Variants in DEPDC4 observed in about 807,000 individuals in gnomAD.
DEPDC4 encodes the protein DEP domain containing 4.
DEPDC4 carries 52 observed loss-of-function variants against 52.0 expected under a neutral mutation model. The observed-to-expected ratio is 1.00, with a 90% CI of 0.80 to 1.26. DEPDC4 has a LOEUF of 1.26. Among genes scored for constraint, DEPDC4 ranks in the 50% most tolerant of loss-of-function variants. DEPDC4 has a pLI of 0.00. For synonymous variants in DEPDC4, 201 were observed against 196.8 expected, an observed-to-expected ratio of 1.02 and a Z score of -0.18; for missense variants, 530 against 546.9, an observed-to-expected ratio of 0.97 and a Z score of 0.31.
At chr12:100,231,770 C>A (rs2096135208) in intron 9 of DEPDC4, among the ~76,000 whole-genome samples, 1 of 151,974 alleles carries the variant, frequency 6.6e-6, no homozygotes, top group African/African-American at 2.4e-5. Context: ...AATGGTGAAA[C>A]CCTATTGCTA....
At chr12:100,273,672 C>T in the DEPDC4 span, among the ~76,000 whole-genome samples, 1 of 152,152 alleles carries the variant, frequency 6.6e-6, no homozygotes, top group African/African-American at 2.4e-5. Flanking sequence ...CAGACCACAC[C>T]ATAGTCTTCC....
chr12:100,262,472 T>G, intron 2 of DEPDC4, 63 bp from the exon 3 acceptor site: 2 of 1,282,320 alleles, frequency 1.6e-6, no homozygotes, highest in African/African-American at 1.6e-5. Flanking sequence ...AAATATATAT[T>G]TAAATTAATG....
intron 7 of DEPDC4, among the ~76,000 whole-genome samples, chr12:100,251,381 A>G (rs2096207164): frequency 6.6e-6 from 1 of 152,158 alleles, no homozygotes; most frequent in Admixed American, 6.5e-5. Flanking sequence ...AAACGTTTCA[A>G]AATAAGAATA....
the DEPDC4 span, among the ~76,000 whole-genome samples, chr12:100,273,864 C>T: frequency 6.6e-6 from 1 of 152,188 alleles, no homozygotes; most frequent in African/African-American, 2.4e-5. Context: ...AAAAGAAGAA[C>T]CTCTGTATTC....
At chr12:100,261,054 G>A (rs1426332076) in intron 3 of DEPDC4, among the ~76,000 whole-genome samples, 12 of 151,766 alleles carry the variant, frequency 7.9e-5, no homozygotes, top group Admixed American at 3.3e-4. Flanking sequence ...GGTGGCGGGC[G>A]CCTATAGTCC....
At chr12:100,266,226 G>A (rs1294889678) in intron 1 of DEPDC4, among the ~76,000 whole-genome samples, 2 of 152,122 alleles carry the variant, frequency 1.3e-5, no homozygotes, top group East Asian at 1.9e-4. Context: ...GCAAAAGTAT[G>A]CCCAACTATA....
chr12:100,268,455 A>T (rs752721788), upstream of DEPDC4, among the ~76,000 whole-genome samples: 1 of 152,236 alleles, frequency 6.6e-6, no homozygotes, highest in Non-Finnish European at 1.5e-5. Flanking sequence ...TAAAATATTT[A>T]AAAATGAAAT....
chr12:100,241,724 T>C lies in DEPDC4; in HGVS notation c.*168A>G. ...GAAATTCCTTAATTAATTTCTTTTT[T>C]CGTTTCAGAGAGATGCTGGGGTTAC... On this transcript the variant is annotated 3_prime_UTR_variant, in exon 10 of 10. Coordinates refer to ENST00000550587, the MANE Select transcript of DEPDC4 (RefSeq NM_001364818.2). The C allele has an allele frequency of 7.9e-7, 1 of 1,264,552 alleles. No individual in the cohort carries two copies. The highest frequency in any genetic ancestry group is 1.3e-5 in the South Asian group (1 of 75,420). The allele number at this position is 1,264,552 out of a possible 1,614,324, so 78.3% of individuals were successfully genotyped here. A position where few individuals can be genotyped will look rare whatever the true frequency, so the allele number is the denominator to read the frequency against.
At chr12:100,278,340 C>T in the DEPDC4 span, among the ~76,000 whole-genome samples, 55 of 152,226 alleles carry the variant, frequency 3.6e-4, no homozygotes, top group Admixed American at 5.2e-4. Context: ...GATGAGACTA[C>T]AGTCAGATGA....
intron 8 of DEPDC4, among the ~76,000 whole-genome samples, chr12:100,243,122 C>G (rs1350519950): frequency 6.6e-6 from 1 of 151,998 alleles, no homozygotes; most frequent in East Asian, 1.9e-4. Context: ...GCAATTATAA[C>G]AATATATTAG....
At chr12:100,264,097 G>A (rs1660603712) in intron 1 of DEPDC4, among the ~76,000 whole-genome samples, 1 of 152,002 alleles carries the variant, frequency 6.6e-6, no homozygotes, top group South Asian at 2.1e-4. Flanking sequence ...AGTAAACCTG[G>A]GAACTTGCTT....
In DEPDC4 at chr12:100,241,862, A is replaced by AC; in HGVS notation, c.*47-18_*47-17insG. ...ACGTAAAGCCTGGAAAAAAAAAAAAAAAACAAAAGAAAAAGAAAAGTACCA... is the reference window on the plus strand; with the variant it reads ...ACGTAAAGCCTGGAAAAAAAAAAAAACAAACAAAAGAAAAAGAAAAGTACCA... On this transcript the variant is annotated splice_polypyrimidine_tract_variant and intron_variant, in intron 9 of 9. Transcript: ENST00000550587. The AC allele has an allele frequency of 1.7e-6, 2 of 1,198,146 alleles. No homozygotes were observed. Among genetic ancestry groups the AC allele is most frequent in the Admixed American group, 3.9e-5 (1 of 25,646 alleles). The allele number at this position is 1,198,146 out of a possible 1,614,324, so 74.2% of individuals were successfully genotyped here.
At chr12:100,244,087 C>CTGTATATATATA (rs1232632811) in intron 8 of DEPDC4, among the ~76,000 whole-genome samples, 8 of 29,432 alleles carry the variant, frequency 2.7e-4, no homozygotes, top group African/African-American at 8.8e-4. Context: ...CTCTCTCTCT[C>CTGTATATATATA]TCTCTGTGTA....
intron 8 of DEPDC4, among the ~76,000 whole-genome samples, chr12:100,248,167 C>T (rs2096193627): frequency 6.6e-6 from 1 of 152,124 alleles, no homozygotes; most frequent in East Asian, 1.9e-4. Flanking sequence ...TAATTAATTA[C>T]AACCAGCATT....
At chr12:100,278,610 C>T in the DEPDC4 span, among the ~76,000 whole-genome samples, 9 of 149,480 alleles carry the variant, frequency 6.0e-5, no homozygotes, top group African/African-American at 2.2e-4. Context: ...TGTGTTGTTT[C>T]TGCCAAATTT....
chr12:100,264,968 A>T (rs2096266382), intron 1 of DEPDC4, among the ~76,000 whole-genome samples: 2 of 152,168 alleles, frequency 1.3e-5, no homozygotes, highest in African/African-American at 2.4e-5. Flanking sequence ...AGAAAAAAAA[A>T]TTGCTGAGAA....
downstream of DEPDC4, among the ~76,000 whole-genome samples, chr12:100,238,914 T>C (rs546476222): frequency 4.6e-5 from 7 of 152,232 alleles, no homozygotes; most frequent in Non-Finnish European, 7.3e-5. Flanking sequence ...TGGTTCTTAC[T>C]GTGCTTGCGC....
chr12:100,253,455 C>T (rs903116396), intron 5 of DEPDC4, 34 bp downstream of exon 5: 7 of 961,576 alleles, frequency 7.3e-6, no homozygotes, highest in Admixed American at 2.8e-5. Flanking sequence ...TGTTTTATTA[C>T]ACCAAAAATT....
intron 8 of DEPDC4, among the ~76,000 whole-genome samples, chr12:100,244,982 CTGCCT>C (rs1336925590): frequency 2.0e-5 from 3 of 151,232 alleles, no homozygotes; most frequent in Non-Finnish European, 4.4e-5. Flanking sequence ...AGCGAGTGTC[CTGCCT>C]CAGCCTCCTG....
Sources: allele counts gnomAD v4.1 joint callset (sites outside exome capture counted in the v4.1 genomes callset), GRCh38; gene constraint gnomAD v4.1.1; transcripts MANE v1.5; gene names NCBI Gene and HGNC (gene_info 2026-07-23, HGNC 2026-07-21).